The following MRPL49 variants were observed in gnomAD, a reference collection of about 807,000 sequenced individuals.
MRPL49 encodes mitochondrial ribosomal protein L49.
Under a neutral mutation model 18.4 loss-of-function variants are expected in MRPL49, and 14 were observed. The observed-to-expected ratio is 0.76, with a 90% CI of 0.50 to 1.19. The LOEUF is 1.19. Among genes scored for constraint, MRPL49 ranks in the 50% most tolerant of loss-of-function variants. The pLI is 0.00. For missense variants in MRPL49, 190 were observed against 217.8 expected (o/e 0.87, Z 0.80); for synonymous variants, 104 against 86.2 (o/e 1.21, Z -1.14).
At chr11:65,124,457 T>C (rs1159039478) in intron 1 of MRPL49, 45 bp from the exon 2 acceptor site, 1 of 1,590,860 alleles carries the variant, frequency 6.3e-7, no homozygotes, top group East Asian at 2.2e-5. Context: ...TGCCATCCTG[T>C]GTTGGGTAGG....
chr11:65,122,630 C>A (rs1948063120), intron 1 of MRPL49, among the ~76,000 whole-genome samples: 1 of 152,064 alleles, frequency 6.6e-6, no homozygotes, highest in African/African-American at 2.4e-5. Flanking sequence ...AACACAGTGC[C>A]TGGCAGTGTC....
In MRPL49 at chr11:65,126,103, C is replaced by T. The variant is rs567860548; in HGVS notation, c.*231C>T. 12 of 459,894 alleles carry T rather than the reference C, an allele frequency of 2.6e-5. No individual in the cohort carries two copies. The highest frequency in any genetic ancestry group is 7.6e-5 in the South Asian group (2 of 26,430). The allele number at this position is 459,894 out of a possible 1,614,324, so 28.5% of individuals were successfully genotyped here. On this transcript the variant is annotated 3_prime_UTR_variant, in exon 4 of 4. Transcript: ENST00000279242. ...TAGGGATCACCAGGCTAATGGGGGG[C>T]GTCAGCAGCTTTCTCTCCCTCCTAT...
At chr11:65,124,434 C>A in intron 1 of MRPL49, 68 bp from the exon 2 acceptor site, 1 of 1,453,436 alleles carries the variant, frequency 6.9e-7, no homozygotes, top group Non-Finnish European at 9.5e-7. Context: ...CCATTCTCTA[C>A]TTACTGAAGT....
chr11:65,122,291 A>C (rs1044710078), upstream of MRPL49: 7 of 1,586,956 alleles, frequency 4.4e-6, no homozygotes, highest in Non-Finnish European at 3.4e-6. Context: ...CAGCTCGCGC[A>C]GGACGGGGCG....
chr11:65,125,654 A>G, intron 3 of MRPL49, 42 bp downstream of exon 3: 1 of 1,613,068 alleles, frequency 6.2e-7, no homozygotes, highest in Non-Finnish European at 8.5e-7. Context: ...TGACCCTTTC[A>G]GGGCTGAAGG....
intron 2 of MRPL49, 92 bp downstream of exon 2, chr11:65,124,744 C>A: frequency 7.0e-7 from 1 of 1,427,128 alleles, no homozygotes. Flanking sequence ...CTGGACTCTC[C>A]AGTGGGTTCA....
chr11:65,124,364 A>T (rs563407561), intron 1 of MRPL49, 138 bp from the exon 2 acceptor site: 1 of 857,658 alleles, frequency 1.2e-6, no homozygotes, highest in Admixed American at 2.7e-5. Context: ...TTTGATTCTG[A>T]TAGCTTTCAC....
rs1948060001 is a variant in MRPL49, at chr11:65,122,367, G to A, written c.21G>A (p.Arg7=). Residue 7 remains arginine (R), a synonymous_variant, in exon 1 of 4, where the codon CGG becomes CGA. Coordinates refer to ENST00000279242, the MANE Select transcript of MRPL49 (RefSeq NM_004927.4). ...TAAAGATGGCAGCTACCATGTTCCG[G>A]GCTACGCTGCGGGGATGGAGAACCG... The part of the protein sequence containing the change: MAATMF[R]ATLRGWRTGV... 6.2e-7 allele frequency: 1 copy of A among 1,613,128 alleles called. No homozygotes were observed. The highest frequency in any genetic ancestry group is 1.1e-5 in the South Asian group (1 of 90,958).
chr11:65,124,013 A>G (rs971645621), intron 1 of MRPL49, among the ~76,000 whole-genome samples: 1 of 152,000 alleles, frequency 6.6e-6, no homozygotes, highest in Non-Finnish European at 1.5e-5. Flanking sequence ...TCAGCCTCCC[A>G]AGTAGCTGGG....
At position 65,124,880 on chromosome 11, in the gene MRPL49, T is replaced by A. The variant is rs1948085612; in HGVS notation, c.229+228T>A. On this transcript the variant is annotated intron_variant, in intron 2 of 3. Coordinates refer to ENST00000279242, the MANE Select transcript of MRPL49 (RefSeq NM_004927.4). Reference sequence around the variant, plus strand: ...CTATTGAGATCAGGTCTTCCCCATATGGGGGAAAGTAAACAACAGAGAGAA... The same window carrying A: ...CTATTGAGATCAGGTCTTCCCCATAAGGGGGAAAGTAAACAACAGAGAGAA... The A allele has an allele frequency of 1.1e-5, 5 of 453,404 alleles. No homozygotes were observed. The South Asian group carries it at 1.8e-4, about 16-fold the overall frequency. The allele number at this position is 453,404 out of a possible 1,614,324, so 28.1% of individuals were successfully genotyped here. A position where few individuals can be genotyped will look rare whatever the true frequency, so the allele number is the denominator to read the frequency against.
chr11:65,127,098 T>G lies in MRPL49; in HGVS notation c.*1226T>G. ...AGCAGGGCACTGAACTCTGGGCTGC[T>G]TCTCTGTGTGTAAAATGGGCACATC... On this transcript the variant is annotated 3_prime_UTR_variant, in exon 4 of 4. Transcript: ENST00000279242. 1.4e-6 allele frequency: 1 copy of G among 698,126 alleles called. No homozygotes were observed. Among genetic ancestry groups the G allele is most frequent in the Non-Finnish European group, 2.6e-6 (1 of 383,310 alleles). 43.2% of individuals were successfully genotyped at this position (698,126 alleles called of 1,614,324 possible). A position where few individuals can be genotyped will look rare whatever the true frequency, so the allele number is the denominator to read the frequency against.
Position 65,125,840 on chromosome 11 carries a change from C to G in MRPL49, c.469C>G (p.Leu157Val). The G allele has an allele frequency of 6.2e-7, 1 of 1,610,018 alleles. No individual in the cohort carries two copies. Among genetic ancestry groups the G allele is most frequent in the East Asian group, 2.2e-5 (1 of 44,828 alleles). ...GATCAAGGGCTACTTTGACCAGGAGCTTAAAGCCTGGCTCTTGGAGAAAGG... is the reference window on the plus strand; with the variant it reads ...GATCAAGGGCTACTTTGACCAGGAGGTTAAAGCCTGGCTCTTGGAGAAAGG... ...LRIKGYFDQELKAWLLEKGF is the reference protein window; with the variant it reads ...LRIKGYFDQEVKAWLLEKGF Residue 157 changes from leucine to valine, a missense_variant, in exon 4 of 4, where the codon CTT (leucine) becomes GTT (valine). Physicochemically the swap from Leu to Val is conservative, Grantham distance 32. Coordinates refer to ENST00000279242, the MANE Select transcript of MRPL49 (RefSeq NM_004927.4).
At position 65,125,908 on chromosome 11, in the gene MRPL49, G is replaced by A; in HGVS notation, c.*36G>A. Reference sequence around the variant, plus strand: ...AGCAGCCTGCTTGTCAGCATGCCCTGTGGATCAAGTCTAGGGGGCCTCAGG... The same window carrying A: ...AGCAGCCTGCTTGTCAGCATGCCCTATGGATCAAGTCTAGGGGGCCTCAGG... On this transcript the variant is annotated 3_prime_UTR_variant, in exon 4 of 4. Transcript: ENST00000279242. 1 of 1,583,262 alleles carries A rather than the reference G, an allele frequency of 6.3e-7. No homozygotes were observed. The highest frequency in any genetic ancestry group is 2.3e-5 in the East Asian group (1 of 44,402).
chr11:65,122,381 G>C lies in MRPL49; in HGVS notation c.35G>C (p.Gly12Ala). The C allele has an allele frequency of 4.3e-6, 7 of 1,613,352 alleles. No individual in the cohort carries two copies. Among genetic ancestry groups the C allele is most frequent in the Non-Finnish European group, 5.9e-6 (7 of 1,179,740 alleles). The part of the protein sequence containing the change: ...AATMFRATLR[G>A]WRTGVQRGCG... ...ACCATGTTCCGGGCTACGCTGCGGG[G>C]ATGGAGAACCGGTGTCCAGCGGGGC... Residue 12 changes from glycine (G) to alanine (A), a missense_variant, in exon 1 of 4, where the codon GGA (glycine) becomes GCA (alanine). Transcript: ENST00000279242.
In MRPL49 at chr11:65,126,814, G is replaced by A; in HGVS notation, c.*942G>A. On this transcript the variant is annotated 3_prime_UTR_variant, in exon 4 of 4. Coordinates refer to ENST00000279242, the MANE Select transcript of MRPL49 (RefSeq NM_004927.4). ...CCAGACTTGCTGGCCTGACCACAAG[G>A]GAGTGGCTGGGAACTCACAGCCAGC... The A allele has an allele frequency of 3.6e-6, 2 of 563,270 alleles. No homozygotes were observed. Among genetic ancestry groups the A allele is most frequent in the Admixed American group, 3.4e-5 (1 of 29,362 alleles). 34.9% of individuals were successfully genotyped at this position (563,270 alleles called of 1,614,324 possible).
rs558569623 is a variant in MRPL49, at chr11:65,125,009, CT to C, written c.229+358del. 13 of 276,254 alleles carry C rather than the reference CT, an allele frequency of 4.7e-5. No individual in the cohort carries two copies. In the South Asian group the frequency reaches 8.4e-4, roughly 18 times the overall value. The allele number at this position is 276,254 out of a possible 1,614,324, so 17.1% of individuals were successfully genotyped here. On this transcript the variant is annotated intron_variant, in intron 2 of 3. Coordinates refer to ENST00000279242, the MANE Select transcript of MRPL49 (RefSeq NM_004927.4). The stretch of plus-strand genomic sequence containing the variant: ...CTGGGTTTGAATTTGGCTTTATTTA[CT>C]GTTGATGTTATCTTGAATTAGTCAC...
intron 2 of MRPL49, 54 bp downstream of exon 2, chr11:65,124,706 C>G: frequency 6.3e-7 from 1 of 1,584,954 alleles, no homozygotes; most frequent in South Asian, 1.1e-5. Context: ...TCACCTCCTC[C>G]CCAGAGGTTG....
At chr11:65,124,450 C>T (rs1948081130) in intron 1 of MRPL49, 52 bp from the exon 2 acceptor site, 2 of 1,557,156 alleles carry the variant, frequency 1.3e-6, no homozygotes, top group Admixed American at 3.7e-5. Context: ...GAAGTTATGC[C>T]ATCCTGTGTT....
intron 1 of MRPL49, among the ~76,000 whole-genome samples, chr11:65,122,677 C>T (rs868562687): frequency 2.0e-5 from 3 of 151,708 alleles, no homozygotes; most frequent in African/African-American, 7.3e-5. Context: ...GGGGCGGGGT[C>T]CTAGCATATG....
Sources: allele counts gnomAD v4.1 joint callset (sites outside exome capture counted in the v4.1 genomes callset), GRCh38; gene constraint gnomAD v4.1.1; transcripts MANE v1.5; gene names NCBI Gene and HGNC (gene_info 2026-07-23, HGNC 2026-07-21).